Variants in SCG2 observed in about 807,000 individuals in gnomAD.
The protein encoded by SCG2 is secretogranin-2.
In SCG2, 23 loss-of-function variants were observed where a neutral mutation model predicts 49.5. The ratio of observed to expected loss-of-function variants is 0.46; its 90% CI spans 0.33 to 0.66. SCG2 has a LOEUF of 0.66. Among genes scored for constraint, SCG2 ranks in the 30% least tolerant of loss-of-function variants. The probability of loss-of-function intolerance (pLI) is 0.01; values close to 1 mark genes in which losing one functional copy is unlikely to be tolerated. For synonymous variants in SCG2, 288 were observed against 260.4 expected (o/e 1.11, Z -1.02); for missense variants, 730 against 728.2 (o/e 1.00, Z -0.03).
rs1691310542 is a variant in SCG2, at chr2:223,597,265, C to T, written c.*164G>A. 2 of 781,486 alleles carry T rather than the reference C, an allele frequency of 2.6e-6. No individual in the cohort carries two copies. Among genetic ancestry groups the T allele is most frequent in the Admixed American group, 3.2e-5 (1 of 31,202 alleles). 48.4% of individuals were successfully genotyped at this position (781,486 alleles called of 1,614,324 possible). On this transcript the variant is annotated 3_prime_UTR_variant, in exon 2 of 2. Transcript: ENST00000305409. ...CACATATCCATACACAAGATAACAG[C>T]TCAGAGGAAATGAAGCAGACTCCCC...
rs1553563569 is a variant in SCG2 at position 223,597,962 on chromosome 2, C to A, written c.1321G>T (p.Gly441Trp). ...LSVEDILNLL[G>W]MESAANQKTS... ...TTCTGATTTGCTGCACTCTCCATCC[C>A]TAAAAGATTTAAAATATCCTCAACA... The change falls in exon 2 of 2, where the codon GGG becomes TGG. Residue 441 changes from glycine to tryptophan, a missense_variant. Transcript: ENST00000305409. The A allele has an allele frequency of 1.2e-6, 2 of 1,614,110 alleles. No homozygotes were observed. The highest frequency in any genetic ancestry group is 1.7e-6 in the Non-Finnish European group (2 of 1,180,024).
At chr2:223,599,761 A>C (rs921482143) in intron 1 of SCG2, among the ~76,000 whole-genome samples, 19 of 152,200 alleles carry the variant, frequency 1.2e-4, no homozygotes, top group African/African-American at 4.6e-4. Flanking sequence ...TTATGTCCTT[A>C]AAGTTGTGTC....
Position 223,598,424 on chromosome 2 carries a change from G to T in SCG2, c.859C>A (p.Gln287Lys), listed in dbSNP as rs1691335234. Residue 287 changes from glutamine (Q) to lysine (K), a missense_variant, in exon 2 of 2, where the codon CAG becomes AAG. By Grantham distance (53) the Gln-to-Lys change is moderately conservative. Coordinates refer to ENST00000305409, the MANE Select transcript of SCG2 (RefSeq NM_003469.5). ...QINDEMKRSG[Q>K]LGIQEEDLRK... ...AGATCTTCTTCCTGGATGCCAAGCT[G>T]CCCTGAGCGTTTCATCTCATCGTTG... The T allele has an allele frequency of 1.2e-6, 2 of 1,613,914 alleles. No homozygotes were observed. Among genetic ancestry groups the T allele is most frequent in the Non-Finnish European group, 1.7e-6 (2 of 1,180,026 alleles).
At position 223,598,654 on chromosome 2, in the gene SCG2, C is replaced by G. The variant is rs1281801542; in HGVS notation, c.629G>C (p.Gly210Ala). 6.2e-7 allele frequency: 1 copy of G among 1,614,054 alleles called. No individual in the cohort carries two copies. Among genetic ancestry groups the G allele is most frequent in the Admixed American group, 1.7e-5 (1 of 60,014 alleles). ...CCTCTCACGTTTCTGGTTGTTTGGT[C>G]CTGTCAGTTTCCCCAGCTCTTGGAA... is the stretch of plus-strand genomic sequence containing the variant. ...SVFQELGKLTGPNNQKRERMD... is the reference protein window; with the variant it reads ...SVFQELGKLTAPNNQKRERMD... Residue 210 changes from glycine (G) to alanine (A), a missense_variant, in exon 2 of 2, where the codon GGA becomes GCA. Coordinates refer to ENST00000305409, the MANE Select transcript of SCG2 (RefSeq NM_003469.5).
intron 1 of SCG2, among the ~76,000 whole-genome samples, chr2:223,600,436 A>G (rs780548458): frequency 2.0e-5 from 3 of 152,186 alleles, no homozygotes; most frequent in Non-Finnish European, 4.4e-5. Flanking sequence ...CTTACATAGG[A>G]ATTAGGAAGA....
intron 1 of SCG2, among the ~76,000 whole-genome samples, chr2:223,599,630 T>C (rs1003472685): frequency 1.3e-5 from 2 of 152,218 alleles, no homozygotes; most frequent in African/African-American, 4.8e-5. Context: ...ATGTTGTTTC[T>C]CTATAATAAA....
chr2:223,598,460 T>A lies in SCG2; in HGVS notation c.823A>T (p.Asn275Tyr). Residue 275 changes from asparagine to tyrosine, a missense_variant, in exon 2 of 2, where the codon AAT (asparagine) becomes TAT (tyrosine). By Grantham distance (143) the Asn-to-Tyr change is moderately radical. Coordinates refer to ENST00000305409, the MANE Select transcript of SCG2 (RefSeq NM_003469.5). ...VRDSKENIEKNEQINDEMKRS... is the reference protein window; with the variant it reads ...VRDSKENIEKYEQINDEMKRS... ...TTCATCTCATCGTTGATTTGTTCAT[T>A]TTTTTCTATATTCTCTTTGCTGTCT... 1 of 1,614,094 alleles carries A rather than the reference T, an allele frequency of 6.2e-7. No individual in the cohort carries two copies. Among genetic ancestry groups the A allele is most frequent in the African/African-American group, 1.3e-5 (1 of 75,040 alleles).
At chr2:223,600,585 G>C (rs1243628298) in intron 1 of SCG2, among the ~76,000 whole-genome samples, 1 of 152,022 alleles carries the variant, frequency 6.6e-6, no homozygotes. Flanking sequence ...TCATGGTTTT[G>C]TGATAGATAA....
rs16864969 is a variant in SCG2, at chr2:223,597,185, A to C, written c.*244T>G. ...TATACTATTAAACACAGTCATAGAT[A>C]TCTTTCTTGAATAATGGACATAATA... On this transcript the variant is annotated 3_prime_UTR_variant, in exon 2 of 2. Coordinates refer to ENST00000305409, the MANE Select transcript of SCG2 (RefSeq NM_003469.5). The C allele has an allele frequency of 2.7e-6, 1 of 377,292 alleles. No homozygotes were observed. The highest frequency in any genetic ancestry group is 4.7e-6 in the Non-Finnish European group (1 of 211,810). The allele number at this position is 377,292 out of a possible 1,614,324, so 23.4% of individuals were successfully genotyped here.
In SCG2 at chr2:223,597,653, C is replaced by G. The variant is rs749524622; in HGVS notation, c.1630G>C (p.Glu544Gln). 6.2e-7 allele frequency: 1 copy of G among 1,613,988 alleles called. No homozygotes were observed. Among genetic ancestry groups the G allele is most frequent in the Admixed American group, 1.7e-5 (1 of 59,992 alleles). The change falls in exon 2 of 2, where the codon GAG becomes CAG. Residue 544 changes from glutamate to glutamine, a missense_variant. Transcript: ENST00000305409. ...TTCAAATGCTCTTTGATGGCCTGCT[C>G]AATTTGTTCCTCTTCCTGCAGGTCA... ...EDDLQEEEQI[E>Q]QAIKEHLNQG...
chr2:223,597,707 G>T lies in SCG2; in HGVS notation c.1576C>A (p.Arg526=). 5.6e-6 allele frequency: 9 copies of T among 1,614,088 alleles called. No individual in the cohort carries two copies. The highest frequency in any genetic ancestry group is 7.6e-6 in the Non-Finnish European group (9 of 1,180,034). Reference sequence around the variant, plus strand: ...TCAGATGAGCCTTGACCAGGAACTCGCTTCACTTGGTTTGAATTAATGATC... The same window carrying T: ...TCAGATGAGCCTTGACCAGGAACTCTCTTCACTTGGTTTGAATTAATGATC... ...PEIINSNQVK[R]VPGQGSSEDD... is the part of the protein sequence containing the mutation. The change falls in exon 2 of 2, where the codon CGA becomes AGA. Residue 526 remains arginine, a synonymous_variant. Coordinates refer to ENST00000305409, the MANE Select transcript of SCG2 (RefSeq NM_003469.5).
intron 1 of SCG2, among the ~76,000 whole-genome samples, chr2:223,601,771 G>T (rs1691394390): frequency 6.6e-6 from 1 of 152,136 alleles, no homozygotes; most frequent in Non-Finnish European, 1.5e-5. Flanking sequence ...TATGTGGTTA[G>T]TTAATTCAGA....
In SCG2 at chr2:223,598,520, C is replaced by T. The variant is rs1379117782; in HGVS notation, c.763G>A (p.Glu255Lys). ...VGGEDWNPVE[E>K]KIESQTQEEV... is the part of the protein sequence containing the mutation. The stretch of plus-strand genomic sequence containing the variant: ...TCCTGGGTTTGACTCTCTATTTTCT[C>T]CTCTACTGGGTTCCAGTCTTCTCCC... The change falls in exon 2 of 2, where the codon GAG (glutamate) becomes AAG (lysine). Residue 255 changes from glutamate (E) to lysine (K), a missense_variant. Transcript: ENST00000305409. 9.3e-6 allele frequency: 15 copies of T among 1,613,882 alleles called. No individual in the cohort carries two copies. Among genetic ancestry groups the T allele is most frequent in the Middle Eastern group, 1.6e-4 (1 of 6,084 alleles).
chr2:223,598,271 G>T lies in SCG2; in HGVS notation c.1012C>A (p.Leu338Ile). The change falls in exon 2 of 2, where the codon CTT becomes ATT. Residue 338 changes from leucine to isoleucine, a missense_variant. Physicochemically the swap from Leu to Ile is conservative, Grantham distance 5. Transcript: ENST00000305409. The stretch of plus-strand genomic sequence containing the variant: ...TGAGAATCAAGAGGTTTCTCAAAAA[G>T]CCTGGTGGCCCTTTCCCCATTTTGC... ...NGQNGERATR[L>I]FEKPLDSQSI... 1 of 1,614,138 alleles carries T rather than the reference G, an allele frequency of 6.2e-7. No individual in the cohort carries two copies. Among genetic ancestry groups the T allele is most frequent in the Non-Finnish European group, 8.5e-7 (1 of 1,180,028 alleles).
At position 223,597,646 on chromosome 2, in the gene SCG2, G is replaced by T. The variant is rs1691319020; in HGVS notation, c.1637C>A (p.Ala546Asp). ...GCCTTGATTCAAATGCTCTTTGATG[G>T]CCTGCTCAATTTGTTCCTCTTCCTG... is the stretch of plus-strand genomic sequence containing the variant. Reference protein sequence around the residue: ...DLQEEEQIEQAIKEHLNQGSS... With the variant: ...DLQEEEQIEQDIKEHLNQGSS... Residue 546 changes from alanine to aspartate, a missense_variant, in exon 2 of 2, where the codon GCC becomes GAC. Physicochemically the swap from Ala to Asp is moderately radical, Grantham distance 126. Coordinates refer to ENST00000305409, the MANE Select transcript of SCG2 (RefSeq NM_003469.5). 6.2e-7 allele frequency: 1 copy of T among 1,613,962 alleles called. No homozygotes were observed. The highest frequency in any genetic ancestry group is 1.3e-5 in the African/African-American group (1 of 74,906).
Position 223,598,990 on chromosome 2 carries a change from T to A in SCG2, c.293A>T (p.His98Leu). The A allele has an allele frequency of 6.2e-7, 1 of 1,614,222 alleles. No homozygotes were observed. Among genetic ancestry groups the A allele is most frequent in the Middle Eastern group, 1.6e-4 (1 of 6,062 alleles). Residue 98 changes from histidine to leucine, a missense_variant, in exon 2 of 2, where the codon CAC becomes CTC. By Grantham distance (99) the His-to-Leu change is moderately conservative. Transcript: ENST00000305409. ...LQQKENGDES[H>L]LPERDSLSEE... is the part of the protein sequence containing the mutation. ...ACTCAGTGAATCCCTCTCGGGCAAG[T>A]GGCTTTCATCGCCATTTTCTTTTTG... is the stretch of plus-strand genomic sequence containing the variant.
chr2:223,597,722 A>T lies in SCG2; in HGVS notation c.1561T>A (p.Ser521Thr), dbSNP rs1691320687. The change falls in exon 2 of 2, where the codon TCA becomes ACA. Residue 521 changes from serine to threonine, a missense_variant. Coordinates refer to ENST00000305409, the MANE Select transcript of SCG2 (RefSeq NM_003469.5). ...MLVKYPEIIN[S>T]NQVKRVPGQG... The stretch of plus-strand genomic sequence containing the variant: ...CCAGGAACTCGCTTCACTTGGTTTG[A>T]ATTAATGATCTCAGGGTATTTAACT... 3.1e-6 allele frequency: 5 copies of T among 1,614,164 alleles called. No individual in the cohort carries two copies. The African/African-American group carries it at 6.7e-5, about 22-fold the overall frequency.
Position 223,598,939 on chromosome 2 carries a change from A to C in SCG2, c.344T>G (p.Leu115Arg). The C allele has an allele frequency of 3.1e-6, 5 of 1,614,128 alleles. No individual in the cohort carries two copies. Among genetic ancestry groups the C allele is most frequent in the Non-Finnish European group, 4.2e-6 (5 of 1,180,026 alleles). Reference sequence around the variant, plus strand: ...ATTTTCAGCCTGTCTCAAAGCTTCGAGTATTATTCTCATCCAGTCTTCTTC... The same window carrying C: ...ATTTTCAGCCTGTCTCAAAGCTTCGCGTATTATTCTCATCCAGTCTTCTTC... ...LSEEDWMRIILEALRQAENEP... is the reference protein window; with the variant it reads ...LSEEDWMRIIREALRQAENEP... The change falls in exon 2 of 2, where the codon CTC (leucine) becomes CGC (arginine). Residue 115 changes from leucine to arginine, a missense_variant. Physicochemically the swap from Leu to Arg is moderately radical, Grantham distance 102. Transcript: ENST00000305409.
Position 223,598,462 on chromosome 2 carries a change from T to A in SCG2, c.821A>T (p.Lys274Ile). The part of the protein sequence containing the change: ...EVRDSKENIE[K>I]NEQINDEMKR... ...CATCTCATCGTTGATTTGTTCATTT[T>A]TTTCTATATTCTCTTTGCTGTCTCT... is the stretch of plus-strand genomic sequence containing the variant. The change falls in exon 2 of 2, where the codon AAA becomes ATA. Residue 274 changes from lysine to isoleucine, a missense_variant. Coordinates refer to ENST00000305409, the MANE Select transcript of SCG2 (RefSeq NM_003469.5). The A allele has an allele frequency of 6.2e-7, 1 of 1,614,148 alleles. No individual in the cohort carries two copies. Among genetic ancestry groups the A allele is most frequent in the Non-Finnish European group, 8.5e-7 (1 of 1,180,036 alleles).
Sources: allele counts gnomAD v4.1 joint callset (sites outside exome capture counted in the v4.1 genomes callset), GRCh38; gene constraint gnomAD v4.1.1; transcripts MANE v1.5; gene names NCBI Gene and HGNC (gene_info 2026-07-23, HGNC 2026-07-21).